The following PIK3AP1 variants were observed in gnomAD, a reference collection of about 807,000 sequenced individuals.
PIK3AP1 encodes the protein phosphoinositide-3-kinase adaptor protein 1.
PIK3AP1 carries 21 observed loss-of-function variants against 88.1 expected under a neutral mutation model. The observed-to-expected ratio is 0.24, with a 90% CI of 0.17 to 0.34. PIK3AP1 has a LOEUF of 0.34. Among genes scored for constraint, PIK3AP1 ranks in the 10% least tolerant of loss-of-function variants. The probability of loss-of-function intolerance (pLI) is 1.00; values close to 1 mark genes in which losing one functional copy is unlikely to be tolerated. For missense variants in PIK3AP1, 828 were observed against 1,035.7 expected (o/e 0.80, Z 2.75); for synonymous variants, 398 against 400.0 (o/e 1.00, Z 0.06).
intron 16 of PIK3AP1, 148 bp from the exon 17 acceptor site, chr10:96,595,782 C>T (rs1022302618): frequency 2.5e-5 from 19 of 751,500 alleles, no homozygotes; most frequent in African/African-American, 1.1e-4. Context: ...ATGAGTGACA[C>T]GCATGCTAGC....
chr10:96,623,356 C>T (rs1015084704), intron 11 of PIK3AP1, 116 bp downstream of exon 11: 20 of 1,024,316 alleles, frequency 2.0e-5, no homozygotes, highest in Non-Finnish European at 2.9e-5. Context: ...AGCCATGATG[C>T]CTGGCCTAGA....
At chr10:96,715,980 T>C (rs944886063) in intron 1 of PIK3AP1, among the ~76,000 whole-genome samples, 13 of 152,050 alleles carry the variant, frequency 8.5e-5, no homozygotes, top group African/African-American at 3.1e-4. Flanking sequence ...AGAACAGCTA[T>C]TCAAAATGTC....
chr10:96,656,295 G>C (rs1843613886), intron 3 of PIK3AP1, among the ~76,000 whole-genome samples: 1 of 152,202 alleles, frequency 6.6e-6, no homozygotes, highest in Non-Finnish European at 1.5e-5. Flanking sequence ...GAAAATGCTA[G>C]TCATATGATG....
At chr10:96,665,322 T>G (rs2134247985) in intron 2 of PIK3AP1, among the ~76,000 whole-genome samples, 1 of 152,364 alleles carries the variant, frequency 6.6e-6, no homozygotes, top group Non-Finnish European at 1.5e-5. Flanking sequence ...TTCAGAGAAC[T>G]TGAGTGCTTT....
Position 96,652,841 on chromosome 10 carries a change from G to A in PIK3AP1, c.569C>T (p.Ala190Val). 1 of 1,612,748 alleles carries A rather than the reference G, an allele frequency of 6.2e-7. No individual in the cohort carries two copies. The highest frequency in any genetic ancestry group is 8.5e-7 in the Non-Finnish European group (1 of 1,179,854). The change falls in exon 4 of 17, where the codon GCA becomes GTA. Residue 190 changes from alanine (A) to valine (V), a missense_variant and splice_region_variant. Ala to Val is a moderately conservative substitution (Grantham distance 64, BLOSUM62 0). Around this residue, in one of 3 missense-constraint regions of PIK3AP1, gnomAD observed 610 missense variants for 760.1 expected, o/e 0.80. Transcript: ENST00000339364. ...VVQPDRIRCG[A>V]ETTVYVIVRC... The stretch of plus-strand genomic sequence containing the variant: ...CACAATAACATAGACAGTGGTTTCT[G>A]CCTGAAACGGGAAGCCGGTCATTGT...
intron 2 of PIK3AP1, among the ~76,000 whole-genome samples, chr10:96,666,546 G>A (rs896256928): frequency 6.6e-6 from 1 of 151,622 alleles, no homozygotes; most frequent in African/African-American, 2.4e-5. Flanking sequence ...ACACTATTTG[G>A]GTCTGAAAAA....
intron 2 of PIK3AP1, among the ~76,000 whole-genome samples, chr10:96,676,693 T>C (rs1843926345): frequency 6.6e-6 from 1 of 151,720 alleles, no homozygotes; most frequent in Admixed American, 6.6e-5. Context: ...CCTTGAGTTA[T>C]TCCAACTGAA....
At chr10:96,663,621 C>T (rs745531382) in intron 2 of PIK3AP1, among the ~76,000 whole-genome samples, 4 of 100,808 alleles carry the variant, frequency 4.0e-5, no homozygotes, top group Non-Finnish European at 7.2e-5. Flanking sequence ...CAGAGTGAGA[C>T]TCCGTCAAAA....
chr10:96,635,866 C>T (rs147924010), intron 8 of PIK3AP1, among the ~76,000 whole-genome samples: 2,583 of 152,022 alleles, frequency 0.017, 40 homozygotes, highest in Middle Eastern at 0.027. Context: ...GATTGCACGA[C>T]GGCACTCCAG....
chr10:96,604,006 C>G lies in PIK3AP1; in HGVS notation c.2214G>C (p.Val738=). 6.2e-7 allele frequency: 1 copy of G among 1,608,500 alleles called. No individual in the cohort carries two copies. The highest frequency in any genetic ancestry group is 8.5e-7 in the Non-Finnish European group (1 of 1,177,300). ...CGTTGTCCCCTTCCATCCCGCTGCT[C>G]ACACTGAGGAGGCTCCGGGTGCTGG... is the stretch of plus-strand genomic sequence containing the variant. ...NRSSTRSLLS[V]SSGMEGDNED... Residue 738 remains valine, a synonymous_variant, in exon 15 of 17, where the codon GTG becomes GTC. Coordinates refer to ENST00000339364, the MANE Select transcript of PIK3AP1 (RefSeq NM_152309.3).
chr10:96,653,405 C>CA (rs779735112), intron 3 of PIK3AP1, among the ~76,000 whole-genome samples: 18,552 of 67,032 alleles, frequency 0.28, 1,681 homozygotes, highest in Middle Eastern at 0.34. Flanking sequence ...GGCTCTGTCT[C>CA]AAAAAAAAAA....
At chr10:96,616,044 G>A (rs1849210058) in intron 13 of PIK3AP1, among the ~76,000 whole-genome samples, 3 of 152,214 alleles carry the variant, frequency 2.0e-5, no homozygotes, top group Non-Finnish European at 4.4e-5. Flanking sequence ...ATGCATTGTG[G>A]GTAAACGCCA....
intron 2 of PIK3AP1, among the ~76,000 whole-genome samples, chr10:96,700,198 T>C (rs1488395723): frequency 2.6e-5 from 4 of 152,136 alleles, no homozygotes; most frequent in African/African-American, 7.2e-5. Context: ...CATGAAAGTG[T>C]AACGCGAACA....
At chr10:96,616,575 A>G (rs1849218239) in intron 13 of PIK3AP1, 64 bp downstream of exon 13, 1 of 1,555,332 alleles carries the variant, frequency 6.4e-7, no homozygotes, top group African/African-American at 1.4e-5. Flanking sequence ...AGCCAAAAGG[A>G]GAGTCAAGGA....
intron 1 of PIK3AP1, among the ~76,000 whole-genome samples, chr10:96,712,698 T>C (rs1007783989): frequency 3.3e-5 from 5 of 152,276 alleles, no homozygotes; most frequent in African/African-American, 1.2e-4. Flanking sequence ...TTCTTCTAAG[T>C]GTCAAGTGTT....
Position 96,594,777 on chromosome 10 carries a change from A to G in PIK3AP1, c.*800T>C, listed in dbSNP as rs1848728206. The G allele has an allele frequency of 6.6e-6, 1 of 152,256 alleles. No individual in the cohort carries two copies. The highest frequency in any genetic ancestry group is 1.9e-4 in the East Asian group (1 of 5,202). 9.4% of individuals were successfully genotyped at this position (152,256 alleles called of 1,614,324 possible). ...TATAAATTCCCAAATTGGAAAGAAA[A>G]CAAACAAACTTGGTAGTCTCATGCC... is the stretch of plus-strand genomic sequence containing the variant. On this transcript the variant is annotated 3_prime_UTR_variant, in exon 17 of 17. Coordinates refer to ENST00000339364, the MANE Select transcript of PIK3AP1 (RefSeq NM_152309.3). This position sits in a 1 kb window ranked among gnomAD's most constrained non-coding sequence, Gnocchi z 4.6.
chr10:96,645,635 T>C lies in PIK3AP1; in HGVS notation c.1213A>G (p.Ile405Val). 1 of 1,609,716 alleles carries C rather than the reference T, an allele frequency of 6.2e-7. No homozygotes were observed. Residue 405 changes from isoleucine to valine, a missense_variant, in exon 8 of 17, where the codon ATT becomes GTT. Transcript: ENST00000339364. ...VETVDMLKSH[I>V]KEELMHGEEA... ...TCCCCGTGCATCAGTTCCTCTTTAA[T>C]GTGACTCTTGAGCATGTCCACCGTT... is the stretch of plus-strand genomic sequence containing the variant.
chr10:96,625,264 G>T (rs1259591666), intron 10 of PIK3AP1, among the ~76,000 whole-genome samples: 4 of 152,174 alleles, frequency 2.6e-5, no homozygotes, highest in African/African-American at 9.7e-5. Context: ...CTATAAGAGG[G>T]CAGAGAAGGT....
intron 7 of PIK3AP1, among the ~76,000 whole-genome samples, chr10:96,648,200 C>T (rs978523824): frequency 4.6e-5 from 7 of 152,242 alleles, no homozygotes; most frequent in Admixed American, 1.3e-4. Flanking sequence ...GGCCTGAAGG[C>T]GGGTGAGGCA....
Sources: allele counts gnomAD v4.1 joint callset (sites outside exome capture counted in the v4.1 genomes callset), GRCh38; gene constraint gnomAD v4.1.1; regional missense constraint gnomAD v4.1.1; non-coding constraint Gnocchi (gnomAD v3.1); transcripts MANE v1.5; gene names NCBI Gene and HGNC (gene_info 2026-07-23, HGNC 2026-07-21).